PBX3: variants seen among roughly 807,000 people sequenced by gnomAD.
PBX3 encodes PBX homeobox 3.
Under a neutral mutation model 48.5 loss-of-function variants are expected in PBX3, and 14 were observed. That is an observed-to-expected ratio of 0.29 (90% CI 0.19 to 0.45). PBX3 has a LOEUF of 0.45. Among genes scored for constraint, PBX3 ranks in the 20% least tolerant of loss-of-function variants. The probability of loss-of-function intolerance (pLI) is 1.00; values close to 1 mark genes in which losing one functional copy is unlikely to be tolerated. For synonymous variants in PBX3, 210 were observed against 200.3 expected (o/e 1.05, Z -0.41); for missense variants, 386 against 546.7 (o/e 0.71, Z 2.93).
intron 3 of PBX3, among the ~76,000 whole-genome samples, chr9:125,919,392 G>C (rs1841407980): frequency 1.7e-5 from 2 of 115,658 alleles, no homozygotes; most frequent in Non-Finnish European, 3.3e-5. Context: ...TGTATTTTTG[G>C]TAGAGACGGG....
intron 2 of PBX3, among the ~76,000 whole-genome samples, chr9:125,873,320 G>A (rs190983715): frequency 1.6e-4 from 24 of 152,140 alleles, no homozygotes; most frequent in Middle Eastern, 3.4e-3. Context: ...GTAAATATAC[G>A]GAAAAATTTA....
At chr9:125,959,453 A>G (rs1295163471) in intron 5 of PBX3, among the ~76,000 whole-genome samples, 11 of 152,232 alleles carry the variant, frequency 7.2e-5, no homozygotes, top group Admixed American at 7.2e-4. Context: ...AGCAAGGCCA[A>G]TGTTGTCTTC....
intron 2 of PBX3, among the ~76,000 whole-genome samples, chr9:125,818,615 C>T (rs921434061): frequency 3.9e-5 from 6 of 152,194 alleles, no homozygotes; most frequent in Middle Eastern, 3.4e-3. Flanking sequence ...TCCCAAAGTG[C>T]TGGGATTACA....
chr9:125,812,361 A>G (rs969431751), intron 2 of PBX3, among the ~76,000 whole-genome samples: 1 of 152,238 alleles, frequency 6.6e-6, no homozygotes, highest in Non-Finnish European at 1.5e-5. Context: ...TACCAAATAT[A>G]TGCATTTAAC....
At chr9:125,785,641 C>T (rs1218869707) in intron 2 of PBX3, among the ~76,000 whole-genome samples, 1 of 152,236 alleles carries the variant, frequency 6.6e-6, no homozygotes, top group African/African-American at 2.4e-5. Context: ...TGTGAGACTT[C>T]ACCTCGTGAT....
chr9:125,963,844 C>T (rs1842479316), intron 8 of PBX3, among the ~76,000 whole-genome samples: 1 of 151,682 alleles, frequency 6.6e-6, no homozygotes, highest in African/African-American at 2.4e-5. Flanking sequence ...TGGCTTGCTA[C>T]GAGAGTAAAT....
At chr9:125,945,699 A>G (rs1424746440) in intron 5 of PBX3, among the ~76,000 whole-genome samples, 1 of 152,234 alleles carries the variant, frequency 6.6e-6, no homozygotes, top group Non-Finnish European at 1.5e-5. Flanking sequence ...GATACAGGAA[A>G]CACATAAGGA....
At chr9:125,822,991 A>G (rs1035799641) in intron 2 of PBX3, among the ~76,000 whole-genome samples, 6 of 152,044 alleles carry the variant, frequency 3.9e-5, no homozygotes, top group African/African-American at 1.4e-4. Flanking sequence ...GCTAAAAAAA[A>G]AAAAAAGATG....
chr9:125,930,170 A>G (rs1036384201), intron 4 of PBX3, among the ~76,000 whole-genome samples: 2 of 152,332 alleles, frequency 1.3e-5, no homozygotes, highest in African/African-American at 2.4e-5. Flanking sequence ...TGTTTTAACA[A>G]GGGGTATTTT....
chr9:125,769,416 G>A (rs1836885747), intron 2 of PBX3, among the ~76,000 whole-genome samples: 1 of 152,196 alleles, frequency 6.6e-6, no homozygotes, highest in Admixed American at 6.5e-5. Flanking sequence ...ACAAGTCTGT[G>A]TAAAGTGAAA....
At chr9:125,796,066 CTA>C (rs141087542) in intron 2 of PBX3, among the ~76,000 whole-genome samples, 3,061 of 152,244 alleles carry the variant, frequency 0.02, 171 homozygotes, top group East Asian at 0.17. Flanking sequence ...TTCTGCATGT[CTA>C]TTTTCTTTAT....
At chr9:125,883,453 T>C (rs978561906) in intron 2 of PBX3, among the ~76,000 whole-genome samples, 3 of 152,200 alleles carry the variant, frequency 2.0e-5, no homozygotes, top group African/African-American at 4.8e-5. Flanking sequence ...TCAGTGGTAC[T>C]TTTTTTCATG....
intron 2 of PBX3, among the ~76,000 whole-genome samples, chr9:125,806,566 A>G (rs1838131409): frequency 6.6e-6 from 1 of 152,148 alleles, no homozygotes; most frequent in African/African-American, 2.4e-5. Context: ...AGAGCACTCA[A>G]CCATTTGTGA....
chr9:125,755,156 C>T (rs956480971), intron 2 of PBX3, among the ~76,000 whole-genome samples: 5 of 151,952 alleles, frequency 3.3e-5, no homozygotes, highest in Non-Finnish European at 7.4e-5. Context: ...GCTTCAGAGT[C>T]CAGCAGGTGG....
chr9:125,876,851 C>G (rs889556183), intron 2 of PBX3, among the ~76,000 whole-genome samples: 5 of 137,080 alleles, frequency 3.6e-5, no homozygotes, highest in African/African-American at 1.1e-4. Context: ...GTGGAGTGAT[C>G]TCAGCTGACT....
intron 2 of PBX3, among the ~76,000 whole-genome samples, chr9:125,810,365 AGTGTGTGTGTGTGTGTGT>A (rs113025234): frequency 1.4e-5 from 2 of 145,416 alleles, no homozygotes; most frequent in Non-Finnish European, 3.1e-5. Context: ...AGCAGGAATG[AGTGTGTGTGTGTGTGTGT>A]GTGTGTGTGT....
intron 2 of PBX3, among the ~76,000 whole-genome samples, chr9:125,841,183 A>G (rs1401249241): frequency 2.6e-5 from 4 of 152,208 alleles, no homozygotes; most frequent in Admixed American, 2.0e-4. Context: ...TCACCTAGTT[A>G]TTAAGTAGTA....
intron 2 of PBX3, among the ~76,000 whole-genome samples, chr9:125,913,331 A>G (rs892460660): frequency 6.6e-6 from 1 of 152,144 alleles, no homozygotes; most frequent in Non-Finnish European, 1.5e-5. Flanking sequence ...TTTACTGATA[A>G]TTTTAGAAAT....
intron 2 of PBX3, among the ~76,000 whole-genome samples, chr9:125,878,435 C>T (rs1163982155): frequency 6.6e-6 from 1 of 152,216 alleles, no homozygotes; most frequent in East Asian, 1.9e-4. Context: ...GATTAGGCCT[C>T]CGGCTGCCCA....
Sources: allele counts gnomAD v4.1 joint callset (sites outside exome capture counted in the v4.1 genomes callset), GRCh38; gene constraint gnomAD v4.1.1; transcripts MANE v1.5; gene names NCBI Gene and HGNC (gene_info 2026-07-23, HGNC 2026-07-21).